Variants in ANKH observed in about 807,000 individuals in gnomAD.
ANKH encodes ANKH inorganic pyrophosphate transport regulator.
Under a neutral mutation model 49.0 loss-of-function variants are expected in ANKH, and 15 were observed. The observed-to-expected ratio is 0.31, with a 90% CI of 0.20 to 0.47. The LOEUF (loss-of-function observed/expected upper bound fraction) is 0.47, where lower values mean the gene tolerates loss of function less well. Ranked by LOEUF, ANKH falls within the 20% of genes least tolerant of loss-of-function variation. The pLI is 1.00. For synonymous variants in ANKH, 273 were observed against 260.0 expected (o/e 1.05, Z -0.48); for missense variants, 429 against 652.0 (o/e 0.66, Z 3.72).
rs2126390893 is a variant in ANKH at position 14,710,810 on chromosome 5, G to A, written c.*387C>T. 1 of 283,784 alleles carries A rather than the reference G, an allele frequency of 3.5e-6. No homozygotes were observed. The highest frequency in any genetic ancestry group is 3.6e-5 in the South Asian group (1 of 28,028). 17.6% of individuals were successfully genotyped at this position (283,784 alleles called of 1,614,324 possible). A position where few individuals can be genotyped will look rare whatever the true frequency, so the allele number is the denominator to read the frequency against. The stretch of plus-strand genomic sequence containing the variant: ...TTAAGAGCGATGAAGGGGGACAGGA[G>A]AGTCTGTGGCCTGCTGTGCAGGGTG... On this transcript the variant is annotated 3_prime_UTR_variant, in exon 12 of 12. Coordinates refer to ENST00000284268, the MANE Select transcript of ANKH (RefSeq NM_054027.6).
chr5:14,825,024 A>G (rs1382145697), intron 1 of ANKH, among the ~76,000 whole-genome samples: 1 of 152,224 alleles, frequency 6.6e-6, no homozygotes, highest in East Asian at 1.9e-4. Context: ...TGTTTTTATA[A>G]AACTGAAACA....
At chr5:14,765,781 G>A (rs1739241448) in intron 2 of ANKH, among the ~76,000 whole-genome samples, 1 of 152,182 alleles carries the variant, frequency 6.6e-6, no homozygotes, top group Non-Finnish European at 1.5e-5. Flanking sequence ...TCATCCTGCT[G>A]CGACCCATTA....
At position 14,711,210 on chromosome 5, in the gene ANKH, T is replaced by C. The variant is rs755828120; in HGVS notation, c.1466A>G (p.Glu489Gly). 16 of 1,613,964 alleles carry C rather than the reference T, an allele frequency of 9.9e-6. 1 individual carries two copies. In the Admixed American group the frequency reaches 2.3e-4, roughly 24 times the overall value. Residue 489 changes from glutamate to glycine, a missense_variant, in exon 12 of 12, where the codon GAG (glutamate) becomes GGG (glycine). By Grantham distance (98) the Glu-to-Gly change is moderately conservative. Around this residue, in one of 2 missense-constraint regions of ANKH, gnomAD observed 51 missense variants for 36.7 expected, o/e 1.39. Transcript: ENST00000284268. ...EEVTDIVEMR[E>G]ENE ...GCGTCCCGTGCCTTATTCATTCTCC[T>C]CTCTCATTTCCACGATGTCTGTCAC...
chr5:14,846,100 G>A (rs1024382377), intron 1 of ANKH, among the ~76,000 whole-genome samples: 2 of 151,806 alleles, frequency 1.3e-5, no homozygotes, highest in African/African-American at 4.8e-5. Context: ...CAAGTGATCC[G>A]CCTGCCTCGG....
chr5:14,823,383 G>T (rs1261983738), intron 1 of ANKH, among the ~76,000 whole-genome samples: 2 of 152,058 alleles, frequency 1.3e-5, no homozygotes, highest in African/African-American at 4.8e-5. Flanking sequence ...AAAATAAAAA[G>T]AACTTTTAAA....
In ANKH at chr5:14,864,507, G is replaced by T. The variant is rs75659259; in HGVS notation, c.96+6845C>A. Among the ~76,000 whole-genome samples the T allele has an allele frequency of 2.7e-3, 408 of 152,306 alleles. 3 individuals carry two copies. The highest frequency in any genetic ancestry group is 9.0e-3 in the African/African-American group (375 of 41,558). On this transcript the variant is annotated intron_variant, in intron 1 of 11. Transcript: ENST00000284268. Reference sequence around the variant, plus strand: ...ACTGGGAAACACAGCAGGGAAGTAAGTACCAAGTGGACTAAGGAGGTCACA... The same window carrying T: ...ACTGGGAAACACAGCAGGGAAGTAATTACCAAGTGGACTAAGGAGGTCACA...
chr5:14,809,874 T>G (rs1561065703), intron 1 of ANKH, among the ~76,000 whole-genome samples: 1 of 151,852 alleles, frequency 6.6e-6, no homozygotes. Flanking sequence ...GAGCGTGCAC[T>G]GGGCTCTCAA....
intron 1 of ANKH, among the ~76,000 whole-genome samples, chr5:14,830,450 G>T (rs904510882): frequency 2.0e-5 from 3 of 152,014 alleles, no homozygotes; most frequent in African/African-American, 7.3e-5. Context: ...GTGGGGGAAG[G>T]AAGTGGCTGG....
Position 14,708,197 on chromosome 5 carries a change from G to A in ANKH, c.*3000C>T, listed in dbSNP as rs1408650605. ...GACGTCCCTTGTGCTACTCAAACAG[G>A]CCACCAAAGGAGGAGCTCTAGAAAA... On this transcript the variant is annotated 3_prime_UTR_variant, in exon 12 of 12. Coordinates refer to ENST00000284268, the MANE Select transcript of ANKH (RefSeq NM_054027.6). 1.3e-5 allele frequency: 2 copies of A among 152,288 alleles called. No individual in the cohort carries two copies. Among genetic ancestry groups the A allele is most frequent in the Admixed American group, 6.5e-5 (1 of 15,304 alleles). 9.4% of individuals were successfully genotyped at this position (152,288 alleles called of 1,614,324 possible). A position where few individuals can be genotyped will look rare whatever the true frequency, so the allele number is the denominator to read the frequency against.
chr5:14,750,371 C>T (rs1738671533), intron 5 of ANKH, among the ~76,000 whole-genome samples: 1 of 152,158 alleles, frequency 6.6e-6, no homozygotes, highest in Non-Finnish European at 1.5e-5. Context: ...GTTTCTTATT[C>T]AACTTTCAGG....
At chr5:14,844,451 G>T (rs1225103415) in intron 1 of ANKH, among the ~76,000 whole-genome samples, 1 of 152,208 alleles carries the variant, frequency 6.6e-6, no homozygotes, top group African/African-American at 2.4e-5. Flanking sequence ...CCTAAAGAAA[G>T]ACATGAATGC....
intron 1 of ANKH, among the ~76,000 whole-genome samples, chr5:14,835,405 G>C (rs1741623804): frequency 6.6e-6 from 1 of 152,128 alleles, no homozygotes; most frequent in Non-Finnish European, 1.5e-5. Flanking sequence ...TGCTTCCCGA[G>C]TTCAGCACTA....
intron 1 of ANKH, among the ~76,000 whole-genome samples, chr5:14,831,611 G>GCA (rs1741510448): frequency 6.6e-6 from 1 of 152,090 alleles, no homozygotes; most frequent in Non-Finnish European, 1.5e-5. Flanking sequence ...GGGGGGCCCT[G>GCA]CACACCATCC....
intron 1 of ANKH, among the ~76,000 whole-genome samples, chr5:14,775,554 A>AT (rs1357243100): frequency 6.6e-6 from 1 of 152,090 alleles, no homozygotes; most frequent in Non-Finnish European, 1.5e-5. Context: ...ATGGCTGGAC[A>AT]TTTTTTGCAG....
At chr5:14,758,981 T>C (rs1580046312) in intron 2 of ANKH, among the ~76,000 whole-genome samples, 1 of 152,374 alleles carries the variant, frequency 6.6e-6, no homozygotes, top group Admixed American at 6.5e-5. Context: ...CCCAGTCTCC[T>C]ATTGCTACAC....
At chr5:14,810,004 C>A (rs1446629103) in intron 1 of ANKH, among the ~76,000 whole-genome samples, 2 of 152,128 alleles carry the variant, frequency 1.3e-5, no homozygotes, top group Non-Finnish European at 2.9e-5. Flanking sequence ...TTTGTGTTCC[C>A]TGGTGGCACT....
intron 1 of ANKH, among the ~76,000 whole-genome samples, chr5:14,791,634 C>G (rs1740168784): frequency 6.6e-6 from 1 of 152,314 alleles, no homozygotes; most frequent in Admixed American, 6.5e-5. Flanking sequence ...AGCCCACTTA[C>G]TACTCAATAT....
At chr5:14,811,884 T>C (rs1181798727) in intron 1 of ANKH, among the ~76,000 whole-genome samples, 2 of 152,196 alleles carry the variant, frequency 1.3e-5, no homozygotes, top group East Asian at 3.9e-4. Flanking sequence ...ATTCAGTTCT[T>C]CTACTCTTAA....
chr5:14,835,229 T>G (rs1035237426), intron 1 of ANKH, among the ~76,000 whole-genome samples: 1 of 152,220 alleles, frequency 6.6e-6, no homozygotes. Context: ...GGAAACCACA[T>G]ATATTTTTAA....
Sources: gnomAD v4.1 joint callset for allele counts (sites outside exome capture counted in the v4.1 genomes callset) on GRCh38, gnomAD v4.1.1 for gene constraint, gnomAD v4.1.1 regional missense constraint, MANE v1.5 for transcripts, NCBI Gene and HGNC (gene_info 2026-07-23, HGNC 2026-07-21) for gene names.